Variants in ERC2 observed in about 807,000 individuals in gnomAD.
The protein encoded by ERC2 is ERC protein 2.
In ERC2, 42 loss-of-function variants were observed where a neutral mutation model predicts 114.8. The observed-to-expected ratio is 0.37, with a 90% CI of 0.29 to 0.47. The LOEUF is 0.47. Ranked by LOEUF, ERC2 falls within the 20% of genes least tolerant of loss-of-function variation. The pLI is 0.99. For synonymous variants in ERC2, 454 were observed against 425.5 expected (o/e 1.07, Z -0.82); for missense variants, 939 against 1,150.7 (o/e 0.82, Z 2.66).
At chr3:55,879,395 T>C (rs1404550114) in intron 14 of ERC2, among the ~76,000 whole-genome samples, 8 of 152,190 alleles carry the variant, frequency 5.3e-5, no homozygotes, top group Non-Finnish European at 1.2e-4. Flanking sequence ...TGAGGCAGCA[T>C]GAATCAAGCC....
At chr3:55,749,644 C>T (rs2066537710) in intron 14 of ERC2, among the ~76,000 whole-genome samples, 1 of 152,092 alleles carries the variant, frequency 6.6e-6, no homozygotes, top group Non-Finnish European at 1.5e-5. Flanking sequence ...CTAAAAGTAG[C>T]CAATTGCAGG....
In ERC2 at chr3:55,908,568, G is replaced by A. The variant is rs77293427; in HGVS notation, c.2404-20019C>T. Reference sequence around the variant, plus strand: ...GTGGGCTGGGCTGGCAGGTGAGTCCGAGAATGCTGACAAGGAGAAGGAAGG... The same window carrying A: ...GTGGGCTGGGCTGGCAGGTGAGTCCAAGAATGCTGACAAGGAGAAGGAAGG... On this transcript the variant is annotated intron_variant, in intron 13 of 17. Transcript: ENST00000288221. Among the ~76,000 whole-genome samples the A allele has an allele frequency of 3.9e-3, 595 of 152,280 alleles. 2 individuals carry two copies. Among genetic ancestry groups the A allele is most frequent in the African/African-American group, 0.013 (554 of 41,552 alleles).
rs138235287 is a variant in ERC2 at position 55,863,223 on chromosome 3, C to T, written c.2564+25166G>A. On this transcript the variant is annotated intron_variant, in intron 14 of 17. Coordinates refer to ENST00000288221, the MANE Select transcript of ERC2 (RefSeq NM_015576.3). ...TCAATTTTGGAGAAATCTGAATGCTCATACACTTAGCCAATCCTCAAGTGA... is the reference window on the plus strand; with the variant it reads ...TCAATTTTGGAGAAATCTGAATGCTTATACACTTAGCCAATCCTCAAGTGA... 3.8e-3 allele frequency among the ~76,000 whole-genome samples: 571 copies of T among 152,246 alleles called. 4 individuals carry two copies. Among genetic ancestry groups the T allele is most frequent in the African/African-American group, 0.013 (537 of 41,554 alleles).
At chr3:55,744,177 T>C (rs1296831806) in intron 14 of ERC2, among the ~76,000 whole-genome samples, 3 of 151,976 alleles carry the variant, frequency 2.0e-5, no homozygotes, top group Non-Finnish European at 4.4e-5. Flanking sequence ...CCGAGGTGGG[T>C]GTATCACCTG....
At chr3:56,441,620 G>A (rs1466214002) in intron 1 of ERC2, among the ~76,000 whole-genome samples, 2 of 152,130 alleles carry the variant, frequency 1.3e-5, no homozygotes, top group Admixed American at 6.5e-5. Flanking sequence ...TTTTGTTGTT[G>A]TTGAGACAGA....
At chr3:55,846,386 C>G (rs2061362803) in intron 14 of ERC2, among the ~76,000 whole-genome samples, 1 of 152,118 alleles carries the variant, frequency 6.6e-6, no homozygotes, top group Non-Finnish European at 1.5e-5. Flanking sequence ...TTCTCTTTAT[C>G]CAGTCTACCA....
intron 14 of ERC2, among the ~76,000 whole-genome samples, chr3:55,832,201 C>T (rs975377585): frequency 2.7e-4 from 41 of 152,242 alleles, no homozygotes; most frequent in African/African-American, 9.6e-4. Context: ...AAAAAGACAG[C>T]AGTAACCTCT....
intron 4 of ERC2, among the ~76,000 whole-genome samples, chr3:56,163,739 A>G (rs985696413): frequency 6.6e-6 from 1 of 152,016 alleles, no homozygotes; most frequent in African/African-American, 2.4e-5. Context: ...CTCCAACTCT[A>G]CTTGGAGCCT....
chr3:56,411,762 A>G (rs2107118221), intron 2 of ERC2, among the ~76,000 whole-genome samples: 1 of 152,284 alleles, frequency 6.6e-6, no homozygotes, highest in East Asian at 1.9e-4. Context: ...GCTGGTGAGT[A>G]GCAGAGCCAG....
chr3:56,056,927 G>A (rs574703091), intron 7 of ERC2, among the ~76,000 whole-genome samples: 70 of 152,240 alleles, frequency 4.6e-4, no homozygotes, highest in African/African-American at 1.6e-3. Context: ...TCTCTACGAG[G>A]TAGGTACCAT....
At chr3:55,904,709 TG>T (rs1357566871) in intron 13 of ERC2, among the ~76,000 whole-genome samples, 1 of 152,164 alleles carries the variant, frequency 6.6e-6, no homozygotes, top group Non-Finnish European at 1.5e-5. Context: ...AGAAAGCGTC[TG>T]GGGGGAAACA....
chr3:56,303,420 G>A (rs190439963), intron 2 of ERC2, among the ~76,000 whole-genome samples: 34 of 152,282 alleles, frequency 2.2e-4, no homozygotes, highest in African/African-American at 7.9e-4. Flanking sequence ...AGCTTGGTGT[G>A]TCCAATTTAT....
chr3:56,239,074 A>G (rs76437469), intron 3 of ERC2, among the ~76,000 whole-genome samples: 4,615 of 152,298 alleles, frequency 0.03, 238 homozygotes, highest in African/African-American at 0.11. Flanking sequence ...TCCATGTGGC[A>G]TAAGAATCAC....
chr3:55,850,165 A>G (rs2061511192), intron 14 of ERC2, among the ~76,000 whole-genome samples: 1 of 152,184 alleles, frequency 6.6e-6, no homozygotes, highest in Non-Finnish European at 1.5e-5. Flanking sequence ...GTCTCTGTGT[A>G]TCTTCTTCTT....
chr3:55,851,669 T>A (rs2061577625), intron 14 of ERC2, among the ~76,000 whole-genome samples: 1 of 152,176 alleles, frequency 6.6e-6, no homozygotes, highest in South Asian at 2.1e-4. Flanking sequence ...AATACATATT[T>A]TTTGCTTTTC....
chr3:56,048,874 A>G (rs1459661109), intron 7 of ERC2, among the ~76,000 whole-genome samples: 1 of 152,164 alleles, frequency 6.6e-6, no homozygotes, highest in African/African-American at 2.4e-5. Flanking sequence ...ACAAAAATAA[A>G]CCAGTTCAGG....
At chr3:55,865,222 T>A (rs2062243614) in intron 14 of ERC2, among the ~76,000 whole-genome samples, 2 of 152,204 alleles carry the variant, frequency 1.3e-5, no homozygotes, top group South Asian at 4.1e-4. Flanking sequence ...TCAAAATAAA[T>A]ATAAGTTGAT....
At chr3:55,756,932 A>G (rs1378615770) in intron 14 of ERC2, among the ~76,000 whole-genome samples, 1 of 152,214 alleles carries the variant, frequency 6.6e-6, no homozygotes, top group African/African-American at 2.4e-5. Context: ...AAGAAAAAAA[A>G]AGTATACCCA....
At chr3:56,064,977 C>A (rs1474613527) in intron 7 of ERC2, among the ~76,000 whole-genome samples, 1 of 152,214 alleles carries the variant, frequency 6.6e-6, no homozygotes, top group Non-Finnish European at 1.5e-5. Flanking sequence ...CTATAACATG[C>A]CAGCACTGTG....
Sources: allele counts gnomAD v4.1 joint callset (sites outside exome capture counted in the v4.1 genomes callset), GRCh38; gene constraint gnomAD v4.1.1; transcripts MANE v1.5; gene names NCBI Gene and HGNC (gene_info 2026-07-23, HGNC 2026-07-21).